CMTR1: variants seen among roughly 807,000 people sequenced by gnomAD.
CMTR1 encodes the protein cap-specific mRNA (nucleoside-2'-O-)-methyltransferase 1.
CMTR1 carries 39 observed loss-of-function variants against 107.0 expected under a neutral mutation model. The observed-to-expected ratio is 0.36, with a 90% CI of 0.28 to 0.48. The LOEUF (loss-of-function observed/expected upper bound fraction) is 0.48. Ranked by LOEUF, CMTR1 falls within the 20% of genes least tolerant of loss-of-function variation. The probability of loss-of-function intolerance (pLI) is 0.99; values close to 1 mark genes in which losing one functional copy is unlikely to be tolerated. For synonymous variants in CMTR1, 366 were observed against 379.5 expected, an observed-to-expected ratio of 0.96 and a Z score of 0.41; for missense variants, 672 against 1,064.9, an observed-to-expected ratio of 0.63 and a Z score of 5.14.
the CMTR1 span, among the ~76,000 whole-genome samples, chr6:37,426,272 G>A: frequency 2.7e-3 from 408 of 151,926 alleles, no homozygotes; most frequent in Non-Finnish European, 4.4e-3. Flanking sequence ...CTGCCATCAC[G>A]TCTTTTTCAG....
the CMTR1 span, among the ~76,000 whole-genome samples, chr6:37,426,515 A>G: frequency 6.6e-6 from 1 of 151,494 alleles, no homozygotes; most frequent in African/African-American, 2.4e-5. Context: ...AGCCTGAGGT[A>G]TAGAGTTAAG....
Position 37,481,284 on chromosome 6 carries a change from TC to T in CMTR1, c.*1142del, listed in dbSNP as rs1761852285. ...ACCTCTCAGAGATGTTCATGCAGGCTCCCTAGGGCCCCATCCCAGTGCCAGG... is the reference window on the plus strand; with the variant it reads ...ACCTCTCAGAGATGTTCATGCAGGCTCCTAGGGCCCCATCCCAGTGCCAGG... On this transcript the variant is annotated 3_prime_UTR_variant, in exon 24 of 24. Coordinates refer to ENST00000373451, the MANE Select transcript of CMTR1 (RefSeq NM_015050.3). 1 of 1,241,550 alleles carries T rather than the reference TC, an allele frequency of 8.1e-7. No individual in the cohort carries two copies. The highest frequency in any genetic ancestry group is 1.6e-5 in the African/African-American group (1 of 64,100). The allele number at this position is 1,241,550 out of a possible 1,614,324, so 76.9% of individuals were successfully genotyped here.
rs1324218590 is a variant in CMTR1, at chr6:37,458,347, G to A, written c.778-265G>A. 7.2e-5 allele frequency among the ~76,000 whole-genome samples: 11 copies of A among 152,150 alleles called. No homozygotes were observed. The highest frequency in any genetic ancestry group is 2.2e-4 in the African/African-American group (9 of 41,416). ...TGGGATTACAGGCTTGAGCCACCGC[G>A]CCTGGCTCCATGAAGATGTTTTTAT... is the stretch of plus-strand genomic sequence containing the variant. On this transcript the variant is annotated intron_variant, in intron 8 of 23. Coordinates refer to ENST00000373451, the MANE Select transcript of CMTR1 (RefSeq NM_015050.3). This position sits in a 1 kb window ranked among gnomAD's most constrained non-coding sequence, Gnocchi z 4.7.
chr6:37,434,067 T>C (rs1394632675), intron 1 of CMTR1, among the ~76,000 whole-genome samples: 1 of 152,246 alleles, frequency 6.6e-6, no homozygotes, highest in Non-Finnish European at 1.5e-5. Context: ...AAGCAAGCTC[T>C]GTGATGAGCC....
intron 8 of CMTR1, among the ~76,000 whole-genome samples, chr6:37,457,225 A>C (rs1305429834): frequency 2.0e-5 from 3 of 152,046 alleles, no homozygotes; most frequent in Admixed American, 1.3e-4. Context: ...GCCAAAAAAA[A>C]AAAAAACAAA....
intron 3 of CMTR1, among the ~76,000 whole-genome samples, chr6:37,444,385 C>A (rs1042715861): frequency 8.5e-5 from 13 of 152,176 alleles, no homozygotes; most frequent in African/African-American, 3.1e-4. Context: ...GACTGGATCA[C>A]CTTTTCATAT....
Position 37,472,590 on chromosome 6 carries a change from C to T in CMTR1, c.1689+103C>T, listed in dbSNP as rs940147373. 1.9e-5 allele frequency: 22 copies of T among 1,166,734 alleles called. No homozygotes were observed. The highest frequency in any genetic ancestry group is 1.9e-4 in the Middle Eastern group (1 of 5,168). The allele number at this position is 1,166,734 out of a possible 1,614,324, so 72.3% of individuals were successfully genotyped here. ...ATGCATGGTCTCCAGAGGGCTTGTG[C>T]AGATGCCCACCATGGGCTCTAAGGG... On this transcript the variant is annotated intron_variant, in intron 16 of 23. Coordinates refer to ENST00000373451, the MANE Select transcript of CMTR1 (RefSeq NM_015050.3). The surrounding 1 kb of genome is among the most constrained non-coding windows in gnomAD (Gnocchi z 4.1).
chr6:37,477,214 G>A (rs917722646), intron 20 of CMTR1, among the ~76,000 whole-genome samples: 1 of 152,212 alleles, frequency 6.6e-6, no homozygotes. Flanking sequence ...GACAGACCTG[G>A]GCAAGAGCCT....
At position 37,446,272 on chromosome 6, in the gene CMTR1, C is replaced by T. The variant is rs918193116; in HGVS notation, c.286-19C>T. 2.5e-6 allele frequency: 4 copies of T among 1,613,312 alleles called. No individual in the cohort carries two copies. In the East Asian group the frequency reaches 8.9e-5, roughly 36 times the overall value. ...CTGTTGAACCTAATTAATTGTGCTC[C>T]ACTACTTCTCTTTTTCAGGCCAAGA... On this transcript the variant is annotated intron_variant, in intron 3 of 23. Coordinates refer to ENST00000373451, the MANE Select transcript of CMTR1 (RefSeq NM_015050.3).
chr6:37,477,768 C>T, intron 21 of CMTR1, 129 bp downstream of exon 21: 1 of 738,074 alleles, frequency 1.4e-6, no homozygotes, highest in Non-Finnish European at 2.5e-6. Context: ...GCGGTCCCCT[C>T]ACCTCATCTG....
At chr6:37,452,022 G>A in intron 6 of CMTR1, 145 bp downstream of exon 6, 1 of 633,106 alleles carries the variant, frequency 1.6e-6, no homozygotes. Context: ...GTTCATATCT[G>A]CAAATTGTCT....
At chr6:37,449,534 C>T in intron 4 of CMTR1, among the ~76,000 whole-genome samples, 1 of 152,122 alleles carries the variant, frequency 6.6e-6, no homozygotes, top group East Asian at 1.9e-4. Context: ...GTCTTGAACG[C>T]CTGACCTCAA....
At position 37,481,345 on chromosome 6, in the gene CMTR1, G is replaced by A. The variant is rs577853278; in HGVS notation, c.*1200G>A. 112 of 1,194,770 alleles carry A rather than the reference G, an allele frequency of 9.4e-5. No individual in the cohort carries two copies. Among genetic ancestry groups the A allele is most frequent in the Non-Finnish European group, 1.1e-4 (101 of 946,140 alleles). The allele number at this position is 1,194,770 out of a possible 1,614,324, so 74.0% of individuals were successfully genotyped here. A position where few individuals can be genotyped will look rare whatever the true frequency, so the allele number is the denominator to read the frequency against. ...ATGGAGATAGGGCACTGAGGCTCCC[G>A]TGAGGTTGGAATCGACTTCACCATG... On this transcript the variant is annotated 3_prime_UTR_variant, in exon 24 of 24. Transcript: ENST00000373451.
At chr6:37,447,518 C>T (rs1236947215) in intron 4 of CMTR1, among the ~76,000 whole-genome samples, 2 of 152,210 alleles carry the variant, frequency 1.3e-5, no homozygotes, top group Non-Finnish European at 2.9e-5. Context: ...AGTCCACATC[C>T]TTTCAGTGGG....
intron 11 of CMTR1, 149 bp from the exon 12 acceptor site, chr6:37,461,821 A>G (rs1761407861): frequency 1.1e-6 from 1 of 951,276 alleles, no homozygotes; most frequent in Non-Finnish European, 1.6e-6. Flanking sequence ...GTCCCCTCCA[A>G]AGATGGTTCT....
rs763917812 is a variant in CMTR1, at chr6:37,469,521, C to CTTTTTT, written c.1506-1481_1506-1476dup. On this transcript the variant is annotated intron_variant, in intron 13 of 23. Transcript: ENST00000373451. ...TAGTTTGTCAATATGTTGTTTTATC[C>CTTTTTT]TTTTTTTTTTTTTTTTTTTTTTTTG... is the stretch of plus-strand genomic sequence containing the variant. Among the ~76,000 whole-genome samples the CTTTTTT allele has an allele frequency of 2.6e-3, 163 of 61,606 alleles. 1 individual carries two copies. The highest frequency in any genetic ancestry group is 3.9e-3 in the Admixed American group (14 of 3,624). 40.4% of individuals were successfully genotyped at this position (61,606 alleles called of 152,430 possible). A position where few individuals can be genotyped will look rare whatever the true frequency, so the allele number is the denominator to read the frequency against.
In CMTR1 at chr6:37,481,351, T is replaced by A; in HGVS notation, c.*1206T>A. 8.4e-7 allele frequency: 1 copy of A among 1,192,576 alleles called. No homozygotes were observed. The allele number at this position is 1,192,576 out of a possible 1,614,324, so 73.9% of individuals were successfully genotyped here. A position where few individuals can be genotyped will look rare whatever the true frequency, so the allele number is the denominator to read the frequency against. ...ATAGGGCACTGAGGCTCCCGTGAGG[T>A]TGGAATCGACTTCACCATGGGGGTC... On this transcript the variant is annotated 3_prime_UTR_variant, in exon 24 of 24. Coordinates refer to ENST00000373451, the MANE Select transcript of CMTR1 (RefSeq NM_015050.3).
chr6:37,461,830 C>T, intron 11 of CMTR1, 140 bp from the exon 12 acceptor site: 2 of 998,310 alleles, frequency 2.0e-6, no homozygotes, highest in Non-Finnish European at 3.0e-6. Context: ...AAAGATGGTT[C>T]TCCCCCTTAA....
At chr6:37,478,014 G>A (rs1016452794) in intron 21 of CMTR1, among the ~76,000 whole-genome samples, 2 of 152,212 alleles carry the variant, frequency 1.3e-5, no homozygotes, top group Non-Finnish European at 2.9e-5. Flanking sequence ...GCATAAATGC[G>A]TCCTTATATT....
Sources: allele counts gnomAD v4.1 joint callset (sites outside exome capture counted in the v4.1 genomes callset), GRCh38; gene constraint gnomAD v4.1.1; non-coding constraint Gnocchi (gnomAD v3.1); transcripts MANE v1.5; gene names NCBI Gene and HGNC (gene_info 2026-07-23, HGNC 2026-07-21).